The following PIWIL2 variants were observed in gnomAD, a reference collection of about 807,000 sequenced individuals.
The protein encoded by PIWIL2 is piwi-like protein 2.
A neutral mutation model predicts 116.5 loss-of-function variants in PIWIL2; 81 were observed. The ratio of observed to expected loss-of-function variants is 0.70; its 90% CI spans 0.58 to 0.84. The LOEUF (loss-of-function observed/expected upper bound fraction) is 0.84, where lower values mean the gene tolerates loss of function less well. Among genes scored for constraint, PIWIL2 ranks in the 40% least tolerant of loss-of-function variants. PIWIL2 has a pLI of 0.00. For missense variants in PIWIL2, 1,272 were observed against 1,212.3 expected, an observed-to-expected ratio of 1.05 and a Z score of -0.73; for synonymous variants, 489 against 429.5, an observed-to-expected ratio of 1.14 and a Z score of -1.71.
At chr8:22,287,050 A>G (rs1402334795) in intron 6 of PIWIL2, among the ~76,000 whole-genome samples, 1 of 152,004 alleles carries the variant, frequency 6.6e-6, no homozygotes, top group African/African-American at 2.4e-5. Context: ...ATGCCAGTGT[A>G]CTTCAGCCTG....
intron 8 of PIWIL2, among the ~76,000 whole-genome samples, chr8:22,289,015 G>A (rs910400512): frequency 6.6e-6 from 1 of 152,106 alleles, no homozygotes. Flanking sequence ...TTGCTGGAAG[G>A]ATTTTTCAGT....
chr8:22,298,664 C>T (rs1830971125), intron 10 of PIWIL2, among the ~76,000 whole-genome samples: 1 of 152,194 alleles, frequency 6.6e-6, no homozygotes, highest in Non-Finnish European at 1.5e-5. Context: ...TCAGAATTGT[C>T]AGAGGATGGT....
chr8:22,290,419 C>G (rs541997029), intron 10 of PIWIL2, 73 bp downstream of exon 10: 1 of 797,074 alleles, frequency 1.3e-6, no homozygotes, highest in African/African-American at 1.7e-5. Flanking sequence ...CTGGTAATAA[C>G]ACACATTAGA....
chr8:22,308,793 C>T (rs1001428823), intron 14 of PIWIL2, among the ~76,000 whole-genome samples: 13 of 152,220 alleles, frequency 8.5e-5, no homozygotes, highest in South Asian at 2.1e-4. Context: ...GAATTACAGG[C>T]GCACACCACC....
chr8:22,349,799 G>T (rs916849527), intron 20 of PIWIL2, among the ~76,000 whole-genome samples: 2 of 152,186 alleles, frequency 1.3e-5, no homozygotes, highest in Non-Finnish European at 2.9e-5. Flanking sequence ...TGGTAAATGG[G>T]CATGATTCAG....
intron 20 of PIWIL2, among the ~76,000 whole-genome samples, chr8:22,318,707 C>T (rs756714405): frequency 6.6e-5 from 10 of 152,200 alleles, no homozygotes; most frequent in African/African-American, 9.7e-5. Context: ...GGTGAGTCTC[C>T]TAAACAGCTG....
At chr8:22,319,741 G>T (rs1055723324) in intron 20 of PIWIL2, among the ~76,000 whole-genome samples, 2 of 152,172 alleles carry the variant, frequency 1.3e-5, no homozygotes, top group African/African-American at 2.4e-5. Context: ...ATGCTGGCTG[G>T]ATTCAAAGCC....
chr8:22,297,169 T>C (rs565845515), intron 10 of PIWIL2, among the ~76,000 whole-genome samples: 18 of 152,088 alleles, frequency 1.2e-4, no homozygotes, highest in African/African-American at 4.3e-4. Context: ...TTTAATTTTT[T>C]CATAAAGGCA....
At chr8:22,283,553 C>T (rs545885462) in intron 5 of PIWIL2, among the ~76,000 whole-genome samples, 25 of 152,316 alleles carry the variant, frequency 1.6e-4, no homozygotes, top group African/African-American at 4.8e-4. Context: ...GGATTATAGG[C>T]GCCCGCCATC....
At chr8:22,286,766 C>T (rs1830638209) in intron 6 of PIWIL2, among the ~76,000 whole-genome samples, 1 of 151,996 alleles carries the variant, frequency 6.6e-6, no homozygotes. Flanking sequence ...GGATTACAAC[C>T]ACATGCCACC....
chr8:22,316,430 A>G, intron 19 of PIWIL2, 97 bp downstream of exon 19: 2 of 774,660 alleles, frequency 2.6e-6, no homozygotes, highest in Non-Finnish European at 2.2e-6. Flanking sequence ...TATGTATTAC[A>G]ATATAAAGAT....
At position 22,343,770 on chromosome 8, in the gene PIWIL2, G is replaced by A. The variant is rs182235104; in HGVS notation, c.2404-9189G>A. 1.6e-4 allele frequency among the ~76,000 whole-genome samples: 25 copies of A among 152,294 alleles called. No homozygotes were observed. The South Asian group carries it at 2.9e-3, about 18-fold the overall frequency. ...GGTGAGGGTGTAGAGCCATAGGAAC[G>A]CTCACTCACGGCTGGTGAGAATGGA... is the stretch of plus-strand genomic sequence containing the variant. On this transcript the variant is annotated intron_variant, in intron 20 of 22. Coordinates refer to ENST00000356766, the MANE Select transcript of PIWIL2 (RefSeq NM_018068.5).
At chr8:22,275,924 G>A (rs1345501905) in intron 1 of PIWIL2, 1 of 152,300 alleles carries the variant, frequency 6.6e-6, no homozygotes, top group Non-Finnish European at 1.5e-5. Flanking sequence ...AGGGCCCTCT[G>A]GGGGAGCTAC....
intron 20 of PIWIL2, among the ~76,000 whole-genome samples, chr8:22,342,381 G>A (rs940757387): frequency 2.0e-5 from 3 of 152,180 alleles, no homozygotes; most frequent in African/African-American, 7.2e-5. Context: ...AAGACTTACT[G>A]TAAAAACTAC....
rs139261860 is a variant in PIWIL2 at position 22,283,098 on chromosome 8, A to G, written c.490A>G (p.Ser164Gly). 1.4e-5 allele frequency: 23 copies of G among 1,614,188 alleles called. No homozygotes were observed. In the African/African-American group the frequency reaches 2.8e-4, roughly 20 times the overall value. Residue 164 changes from serine (S) to glycine (G), a missense_variant, in exon 5 of 23, where the codon AGC (serine) becomes GGC (glycine). Physicochemically the swap from Ser to Gly is moderately conservative, Grantham distance 56 (BLOSUM62 0). Transcript: ENST00000356766. ...LPLGRAAGGI[S>G]REVDKPPCTF... ...ACTGGGAAGAGCAGCAGGTGGTATC[A>G]GCAGAGAAGTGGACAAGCCTCCCTG... is the stretch of plus-strand genomic sequence containing the variant.
At chr8:22,277,060 G>GCTGT (rs1830393609) in intron 1 of PIWIL2, among the ~76,000 whole-genome samples, 1 of 150,388 alleles carries the variant, frequency 6.6e-6, no homozygotes, top group African/African-American at 2.5e-5. Context: ...AGAATCTTGT[G>GCTGT]CTGTCACCCA....
chr8:22,284,266 C>CT lies in PIWIL2; in HGVS notation c.740dup (p.Ser248GlnfsTer28). 1 of 1,538,304 alleles carries CT rather than the reference C, an allele frequency of 6.5e-7. No homozygotes were observed. The highest frequency in any genetic ancestry group is 8.9e-7 in the Non-Finnish European group (1 of 1,120,660). On this transcript the variant is annotated frameshift_variant, in exon 6 of 23. Transcript: ENST00000356766. LOFTEE classifies it high-confidence loss of function. ...GAAGCAGTTTATCAATATCATGTGA[C>CT]TTTCAGGTATTCACAGCTTTCCTTT...
At chr8:22,345,235 A>G (rs1482737828) in intron 20 of PIWIL2, among the ~76,000 whole-genome samples, 1 of 152,256 alleles carries the variant, frequency 6.6e-6, no homozygotes, top group Non-Finnish European at 1.5e-5. Flanking sequence ...TGACCCAAGA[A>G]TTCTAGTCCT....
chr8:22,286,697 G>T (rs1015004864), intron 6 of PIWIL2, among the ~76,000 whole-genome samples: 1 of 152,148 alleles, frequency 6.6e-6, no homozygotes, highest in Non-Finnish European at 1.5e-5. Context: ...TCTTGCCTCA[G>T]TGCTACCTCC....
Sources: gnomAD v4.1 joint callset for allele counts (sites outside exome capture counted in the v4.1 genomes callset) on GRCh38, gnomAD v4.1.1 for gene constraint, MANE v1.5 for transcripts, NCBI Gene and HGNC (gene_info 2026-07-23, HGNC 2026-07-21) for gene names.